Variants in DOCK7 observed in about 807,000 individuals in gnomAD.
DOCK7 encodes the protein dedicator of cytokinesis protein 7.
A neutral mutation model predicts 271.0 loss-of-function variants in DOCK7; 138 were observed. The observed-to-expected ratio is 0.51, with a 90% confidence interval of 0.44 to 0.59. DOCK7 has a LOEUF of 0.59. Among genes scored for constraint, DOCK7 ranks in the 20% least tolerant of loss-of-function variants. The pLI is 0.00. For missense variants in DOCK7, 2,066 were observed against 2,592.4 expected (o/e 0.80, Z 4.41); for synonymous variants, 823 against 876.1 (o/e 0.94, Z 1.07).
rs561798184 is a variant in DOCK7 at position 62,616,590 on chromosome 1, A to T, written c.1682+2116T>A. Among the ~76,000 whole-genome samples the T allele has an allele frequency of 2.0e-5, 3 of 151,906 alleles. 1 individual carries two copies. In the South Asian group the frequency reaches 6.2e-4, roughly 31 times the overall value. On this transcript the variant is annotated intron_variant, in intron 14 of 49. Transcript: ENST00000635253. ...AAATGAAGTAAGAAGGCTTGGGTTC[A>T]AGTCCAAACAAGTCTCTTAATTCAG... is the stretch of plus-strand genomic sequence containing the variant.
chr1:62,483,545 T>A (rs374508098), intron 43 of DOCK7: 1 of 151,592 alleles, frequency 6.6e-6, no homozygotes, highest in Admixed American at 6.6e-5. Context: ...CTTTCTGAGG[T>A]AAAGGCTCAT....
At chr1:62,661,660 A>AT (rs1253414149) in intron 2 of DOCK7, among the ~76,000 whole-genome samples, 2 of 152,174 alleles carry the variant, frequency 1.3e-5, no homozygotes. Context: ...GACTAATTCA[A>AT]TGGGTTCATG....
At chr1:62,574,749 GACA>G (rs1646892767) in intron 18 of DOCK7, among the ~76,000 whole-genome samples, 1 of 151,880 alleles carries the variant, frequency 6.6e-6, no homozygotes, top group Non-Finnish European at 1.5e-5. Flanking sequence ...TTTATATTGA[GACA>G]GAGTCTCACT....
intron 43 of DOCK7, chr1:62,478,296 T>C (rs923262575): frequency 6.6e-6 from 1 of 152,400 alleles, no homozygotes; most frequent in African/African-American, 2.4e-5. Context: ...TTAAATGAGA[T>C]TGTAAAAGTT....
intron 12 of DOCK7, among the ~76,000 whole-genome samples, chr1:62,624,887 G>A (rs1171286829): frequency 6.6e-6 from 1 of 151,986 alleles, no homozygotes; most frequent in East Asian, 1.9e-4. Context: ...AGGGAGAACT[G>A]CTTGAACCTG....
chr1:62,582,706 C>G (rs927489743), intron 16 of DOCK7, among the ~76,000 whole-genome samples: 1 of 150,772 alleles, frequency 6.6e-6, no homozygotes, highest in Admixed American at 6.6e-5. Flanking sequence ...TTTTCCCCAA[C>G]AGTATTCAAT....
chr1:62,686,173 T>TAAGACC, intron 1 of DOCK7, among the ~76,000 whole-genome samples: 2 of 520 alleles, frequency 3.8e-3, no homozygotes, highest in African/African-American at 2.0e-3. Flanking sequence ...TTTTTTTTTT[T>TAAGACC]TTTTTTTTTT....
intron 14 of DOCK7, among the ~76,000 whole-genome samples, chr1:62,592,291 A>T (rs1314634278): frequency 6.6e-6 from 1 of 152,170 alleles, no homozygotes; most frequent in African/African-American, 2.4e-5. Flanking sequence ...GACACTTAGC[A>T]GGAAAAAGAT....
chr1:62,554,248 G>A (rs7519785), intron 21 of DOCK7, among the ~76,000 whole-genome samples: 88,031 of 151,868 alleles, frequency 0.58, 27,298 homozygotes, highest in East Asian at 0.76. Context: ...CAAGGCAGGC[G>A]GACCACGAGT....
At chr1:62,654,509 A>C (rs1300281467) in intron 2 of DOCK7, among the ~76,000 whole-genome samples, 1 of 152,210 alleles carries the variant, frequency 6.6e-6, no homozygotes, top group Non-Finnish European at 1.5e-5. Context: ...ATTAAAAAAA[A>C]AAGTAAGTTG....
chr1:62,632,087 C>T (rs1028791934), intron 10 of DOCK7, among the ~76,000 whole-genome samples: 2 of 152,144 alleles, frequency 1.3e-5, no homozygotes, highest in African/African-American at 4.8e-5. Context: ...AAGACTGAAA[C>T]CTATACTACC....
intron 35 of DOCK7, among the ~76,000 whole-genome samples, chr1:62,507,369 G>A (rs1276720419): frequency 2.0e-5 from 3 of 152,140 alleles, no homozygotes; most frequent in Non-Finnish European, 4.4e-5. Context: ...TAACATCTTT[G>A]TGCCTAAGTG....
chr1:62,648,429 A>T lies in DOCK7; in HGVS notation c.505T>A (p.Tyr169Asn). Residue 169 changes from tyrosine (Y) to asparagine (N), a missense_variant, in exon 5 of 50, where the codon TAC (tyrosine) becomes AAC (asparagine). Physicochemically the swap from Tyr to Asn is moderately radical, Grantham distance 143. This residue lies in a region of DOCK7 where 1,414 missense variants were observed against 1,670.4 expected (regional missense o/e 0.85). Transcript: ENST00000635253. ...ESDEAPDGNSYQDDQDDLKRR... is the reference protein window; with the variant it reads ...ESDEAPDGNSNQDDQDDLKRR... ...AAAAGTATTACTTGATCATCCTGGTAGCTGTTGCCATCTGGAGCTTCATCA... is the reference window on the plus strand; with the variant it reads ...AAAAGTATTACTTGATCATCCTGGTTGCTGTTGCCATCTGGAGCTTCATCA... 1 of 1,541,266 alleles carries T rather than the reference A, an allele frequency of 6.5e-7. No homozygotes were observed. Among genetic ancestry groups the T allele is most frequent in the Non-Finnish European group, 8.7e-7 (1 of 1,144,076 alleles).
In DOCK7 at chr1:62,477,805, A is replaced by G; in HGVS notation, c.5529T>C (p.Phe1843=). ...TGWERMFGTY[F]RVGFYGTKFG... The stretch of plus-strand genomic sequence containing the variant: ...ACTTGGTTCCATAAAAACCAACACG[A>G]AAATAGGTGCCAAACATCCGCTTAC... The change falls in exon 44 of 50, where the codon TTT becomes TTC. Residue 1843 remains phenylalanine (F), a synonymous_variant. Coordinates refer to ENST00000635253, the MANE Select transcript of DOCK7 (RefSeq NM_001367561.1). 6.2e-7 allele frequency: 1 copy of G among 1,609,248 alleles called. No homozygotes were observed. Among genetic ancestry groups the G allele is most frequent in the Non-Finnish European group, 8.5e-7 (1 of 1,178,484 alleles).
chr1:62,460,972 T>C (rs1219081396), intron 48 of DOCK7: 1 of 152,162 alleles, frequency 6.6e-6, no homozygotes, highest in Non-Finnish European at 1.5e-5. Context: ...TATTAATTCC[T>C]GGAATAAATG....
chr1:62,580,965 T>G (rs1234261084), intron 16 of DOCK7, among the ~76,000 whole-genome samples: 1 of 152,208 alleles, frequency 6.6e-6, no homozygotes, highest in Admixed American at 6.5e-5. Flanking sequence ...CATTTACTTG[T>G]AACATGACTT....
chr1:62,575,218 A>G (rs1422403630), intron 18 of DOCK7, among the ~76,000 whole-genome samples: 1 of 152,132 alleles, frequency 6.6e-6, no homozygotes, highest in African/African-American at 2.4e-5. Context: ...AGGAATGAAA[A>G]AGCAAAAATG....
intron 18 of DOCK7, among the ~76,000 whole-genome samples, chr1:62,567,478 A>G (rs927603751): frequency 6.6e-6 from 1 of 152,030 alleles, no homozygotes; most frequent in African/African-American, 2.4e-5. Context: ...GTTCTCACTC[A>G]TAAGTGGGAG....
Position 62,663,080 on chromosome 1 carries a change from G to A in DOCK7, c.89C>T (p.Ser30Phe), listed in dbSNP as rs747565766. ...ATTAAGGTTTTTGAGCAGTTGGGGA[G>A]AACCACTATATTGTCCGGAGATCTG... Reference protein sequence around the residue: ...RKQISGQYSGSPQLLKNLNIV... With the variant: ...RKQISGQYSGFPQLLKNLNIV... The change falls in exon 2 of 50, where the codon TCT becomes TTT. Residue 30 changes from serine to phenylalanine, a missense_variant. By Grantham distance (155) the Ser-to-Phe change is radical (BLOSUM62 -2). Around this residue, in one of 2 missense-constraint regions of DOCK7, gnomAD observed 1,414 missense variants for 1,670.4 expected, o/e 0.85. Coordinates refer to ENST00000635253, the MANE Select transcript of DOCK7 (RefSeq NM_001367561.1). 1 of 1,613,164 alleles carries A rather than the reference G, an allele frequency of 6.2e-7. No homozygotes were observed. The highest frequency in any genetic ancestry group is 8.5e-7 in the Non-Finnish European group (1 of 1,179,694).
Sources: gnomAD v4.1 joint callset for allele counts (sites outside exome capture counted in the v4.1 genomes callset) on GRCh38, gnomAD v4.1.1 for gene constraint, gnomAD v4.1.1 regional missense constraint, MANE v1.5 for transcripts, NCBI Gene and HGNC (gene_info 2026-07-23, HGNC 2026-07-21) for gene names.